TEP1: variants seen among roughly 807,000 people sequenced by gnomAD.
TEP1 encodes telomerase protein component 1.
Under a neutral mutation model 306.3 loss-of-function variants are expected in TEP1, and 241 were observed. That is an observed-to-expected ratio of 0.79 (90% CI 0.71 to 0.88). TEP1 has a LOEUF of 0.88. Among genes scored for constraint, TEP1 ranks in the 40% least tolerant of loss-of-function variants. The pLI, the probability that TEP1 is intolerant of heterozygous loss-of-function variation, is 0.00. For missense variants in TEP1, 3,051 were observed against 3,276.1 expected (o/e 0.93, Z 1.68); for synonymous variants, 1,289 against 1,305.5 (o/e 0.99, Z 0.27).
Position 20,381,233 on chromosome 14 carries a change from A to G in TEP1, c.4647+80T>C. Reference sequence around the variant, plus strand: ...GGGGTAATGGCGGCGGTGATGGTGGAGATGGTAACGGGGAGAGGGGTCTCA... The same window carrying G: ...GGGGTAATGGCGGCGGTGATGGTGGGGATGGTAACGGGGAGAGGGGTCTCA... On this transcript the variant is annotated intron_variant, in intron 32 of 54. Transcript: ENST00000262715. This position sits in a 1 kb window ranked among gnomAD's most constrained non-coding sequence, Gnocchi z 4.0. 1 of 1,430,224 alleles carries G rather than the reference A, an allele frequency of 7.0e-7. No homozygotes were observed. The highest frequency in any genetic ancestry group is 9.9e-7 in the Non-Finnish European group (1 of 1,013,062). 88.6% of individuals were successfully genotyped at this position (1,430,224 alleles called of 1,614,324 possible).
rs879743976 is a variant in TEP1 at position 20,367,615 on chromosome 14, CT to C, written c.*821del. ...CTCCTCACCTCTCATCTGGGTAGTT[CT>C]TTTTTTTTTTTTTTAGACAGAGTCT... is the stretch of plus-strand genomic sequence containing the variant. On this transcript the variant is annotated 3_prime_UTR_variant, in exon 55 of 55. Transcript: ENST00000262715. The C allele has an allele frequency of 0.025, 3,385 of 138,146 alleles. 89 individuals carry two copies. The highest frequency in any genetic ancestry group is 0.071 in the African/African-American group (2,681 of 37,898). The allele number at this position is 138,146 out of a possible 1,614,324, so 8.6% of individuals were successfully genotyped here.
At chr14:20,374,730 C>G (rs753773920) in intron 43 of TEP1, among the ~76,000 whole-genome samples, 194 bp from the exon 44 acceptor site, 2 of 152,142 alleles carry the variant, frequency 1.3e-5, no homozygotes, top group Admixed American at 6.5e-5. Flanking sequence ...GGTTTCCCAA[C>G]TATTTAATGA....
intron 1 of TEP1, 42 bp from the exon 2 acceptor site, chr14:20,408,505 T>A: frequency 6.7e-7 from 1 of 1,482,928 alleles, no homozygotes; most frequent in East Asian, 2.3e-5. Flanking sequence ...CTGGCTGCAC[T>A]GAGCGTGTAT....
intron 9 of TEP1, among the ~76,000 whole-genome samples, chr14:20,399,213 A>G (rs1407066184): frequency 4.6e-5 from 7 of 152,176 alleles, no homozygotes; most frequent in African/African-American, 1.4e-4. Flanking sequence ...ATTCTGATTC[A>G]CAAACTGTAT....
At position 20,380,359 on chromosome 14, in the gene TEP1, G is replaced by T. The variant is rs747670260; in HGVS notation, c.4879C>A (p.Gln1627Lys). 9 of 1,614,242 alleles carry T rather than the reference G, an allele frequency of 5.6e-6. No individual in the cohort carries two copies. The highest frequency in any genetic ancestry group is 7.6e-6 in the Non-Finnish European group (9 of 1,180,038). The change falls in exon 34 of 55, where the codon CAG (glutamine) becomes AAG (lysine). Residue 1627 changes from glutamine (Q) to lysine (K), a missense_variant. Gln to Lys is a moderately conservative substitution (Grantham distance 53). Coordinates refer to ENST00000262715, the MANE Select transcript of TEP1 (RefSeq NM_007110.5). ...LSQYPRLLPQ[Q>K]AANQPLDSPL... ...GAGTCCAGGGGCTGGTTGGCTGCCT[G>T]CTGGGGCAGGAGCCGGGGGTACTGG...
intron 53 of TEP1, 31 bp downstream of exon 53, chr14:20,369,313 C>CA (rs1258205638): frequency 2.5e-6 from 4 of 1,611,324 alleles, no homozygotes; most frequent in Middle Eastern, 1.6e-4. Flanking sequence ...CAGCCCTCCC[C>CA]TAGTATTTCT....
intron 54 of TEP1, 105 bp from the exon 55 acceptor site, chr14:20,368,664 T>A: frequency 6.5e-7 from 1 of 1,549,730 alleles, no homozygotes; most frequent in Non-Finnish European, 8.8e-7. Flanking sequence ...TAGTCATACA[T>A]TGCAAGTGAT....
intron 49 of TEP1, among the ~76,000 whole-genome samples, chr14:20,372,167 T>G (rs906506546): frequency 9.2e-5 from 14 of 152,148 alleles, no homozygotes; most frequent in Admixed American, 2.0e-4. Context: ...CCACCAGGAA[T>G]CCAAGGAGCT....
At chr14:20,403,980 A>G in intron 5 of TEP1, 96 bp from the exon 6 acceptor site, 1 of 1,519,364 alleles carries the variant, frequency 6.6e-7, no homozygotes, top group Non-Finnish European at 8.9e-7. Flanking sequence ...GAGAGCACAG[A>G]GTAGCGAGCA....
chr14:20,380,464 G>C lies in TEP1; in HGVS notation c.4774C>G (p.Pro1592Ala). ...EAHALYASSV[P>A]KEEQKLPEAD... ...TCGGGGAGCTTTTGTTCCTCTTTGG[G>C]GACTGAAGAAGCTATAAAAGGGTGG... The change falls in exon 34 of 55, where the codon CCC becomes GCC. Residue 1592 changes from proline (P) to alanine (A), a missense_variant. Physicochemically the swap from Pro to Ala is conservative, Grantham distance 27. Transcript: ENST00000262715. 1.2e-6 allele frequency: 2 copies of C among 1,612,668 alleles called. No homozygotes were observed. The highest frequency in any genetic ancestry group is 1.3e-5 in the African/African-American group (1 of 75,004).
At chr14:20,410,041 A>T (rs1594382304) in intron 1 of TEP1, among the ~76,000 whole-genome samples, 5 of 128,586 alleles carry the variant, frequency 3.9e-5, no homozygotes, top group Non-Finnish European at 6.8e-5. Context: ...AAAAAAAAAA[A>T]AAAAAAAAAA....
intron 35 of TEP1, 36 bp from the exon 36 acceptor site, chr14:20,379,141 TC>T: frequency 6.2e-7 from 1 of 1,609,160 alleles, no homozygotes; most frequent in Non-Finnish European, 8.5e-7. Context: ...GCTCAGGCCA[TC>T]CCCTTGACCC....
chr14:20,411,680 C>G (rs1050271893), intron 1 of TEP1, among the ~76,000 whole-genome samples: 25 of 139,468 alleles, frequency 1.8e-4, no homozygotes, highest in Non-Finnish European at 3.0e-4. Flanking sequence ...AGCTTTTTCA[C>G]AGAAAAAAAA....
intron 6 of TEP1, 125 bp from the exon 7 acceptor site, chr14:20,403,573 C>A (rs1050319964): frequency 1.9e-6 from 3 of 1,586,846 alleles, no homozygotes; most frequent in Non-Finnish European, 1.7e-6. Context: ...GACTGCCCTG[C>A]ACCATATGCC....
At chr14:20,382,780 G>T in intron 27 of TEP1, 65 bp from the exon 28 acceptor site, 1 of 1,484,632 alleles carries the variant, frequency 6.7e-7, no homozygotes, top group Non-Finnish European at 9.4e-7. Flanking sequence ...CTCTGCCCCA[G>T]CACCAGCCCC....
In TEP1 at chr14:20,378,078, A is replaced by G. The variant is rs923222550; in HGVS notation, c.5667T>C (p.Ala1889=). The change falls in exon 39 of 55, where the codon GCT becomes GCC. Residue 1889 remains alanine, a synonymous_variant. Transcript: ENST00000262715. ...GGCAACCCGCATGCAGGAAAAGCGC[A>G]GCAGCAACAAAGCCATGGTGGGCAG... ...AFPAHHGFVA[A]ALFLHAGCQL... 4 of 1,613,854 alleles carry G rather than the reference A, an allele frequency of 2.5e-6. No homozygotes were observed. Among genetic ancestry groups the G allele is most frequent in the Non-Finnish European group, 3.4e-6 (4 of 1,180,020 alleles).
Position 20,368,892 on chromosome 14 carries a change from C to G in TEP1, c.7667G>C (p.Gly2556Ala). Reference sequence around the variant, plus strand: ...TAGCACATGGAGGGCTGTGACAGAGCCCGAGTGAATCTCAAAGAGGAAAGG... The same window carrying G: ...TAGCACATGGAGGGCTGTGACAGAGGCCGAGTGAATCTCAAAGAGGAAAGG... Reference protein sequence around the residue: ...KTRQRRKIHSGSVTALHVLPE... With the variant: ...KTRQRRKIHSASVTALHVLPE... The change falls in exon 54 of 55, where the codon GGC becomes GCC. Residue 2556 changes from glycine (G) to alanine (A), a missense_variant. Gly to Ala is a moderately conservative substitution (Grantham distance 60, BLOSUM62 0). This residue lies in a region of TEP1 where 1,540 missense variants were observed against 1,705.9 expected (regional missense o/e 0.90). Transcript: ENST00000262715. 1 of 1,613,496 alleles carries G rather than the reference C, an allele frequency of 6.2e-7. No individual in the cohort carries two copies. The highest frequency in any genetic ancestry group is 8.5e-7 in the Non-Finnish European group (1 of 1,179,740).
chr14:20,410,020 C>CAAAAAAAAAAAAAAAAAAAAAAAA (rs570672845), intron 1 of TEP1, among the ~76,000 whole-genome samples: 2 of 58,922 alleles, frequency 3.4e-5, no homozygotes, highest in Non-Finnish European at 6.5e-5. Flanking sequence ...GACTCTGTCT[C>CAAAAAAAAAAAAAAAAAAAAAAAA]AAAAAAAAAA....
rs780886590 is a variant in TEP1 at position 20,401,439 on chromosome 14, C to G, written c.1391+18G>C. On this transcript the variant is annotated intron_variant, in intron 8 of 54. Coordinates refer to ENST00000262715, the MANE Select transcript of TEP1 (RefSeq NM_007110.5). The stretch of plus-strand genomic sequence containing the variant: ...GAATTACTTAGATGGAATGCATGCT[C>G]AGGGTGCAGCTTCTCACCTGTAACC... The G allele has an allele frequency of 2.5e-6, 4 of 1,612,704 alleles. No homozygotes were observed. The highest frequency in any genetic ancestry group is 2.5e-6 in the Non-Finnish European group (3 of 1,179,508).
Sources: gnomAD v4.1 joint callset for allele counts (sites outside exome capture counted in the v4.1 genomes callset) on GRCh38, gnomAD v4.1.1 for gene constraint, gnomAD v4.1.1 regional missense constraint, Gnocchi (gnomAD v3.1) non-coding constraint, MANE v1.5 for transcripts, NCBI Gene and HGNC (gene_info 2026-07-23, HGNC 2026-07-21) for gene names.